Variants in PTPRD observed in about 807,000 individuals in gnomAD.
PTPRD encodes receptor-type tyrosine-protein phosphatase delta.
PTPRD carries 34 observed loss-of-function variants against 214.5 expected under a neutral mutation model. That is an observed-to-expected ratio of 0.16 (90% confidence interval 0.12 to 0.21). The LOEUF is 0.21. Ranked by LOEUF, PTPRD falls within the 10% of genes least tolerant of loss-of-function variation. The pLI, the probability that PTPRD is intolerant of heterozygous loss-of-function variation, is 1.00. For synonymous variants in PTPRD, 1,128 were observed against 845.7 expected (o/e 1.33, Z -5.79); for missense variants, 2,545 against 2,398.7 (o/e 1.06, Z -1.27).
chr9:8,320,652 C>T (rs1259795973), intron 44 of PTPRD, among the ~76,000 whole-genome samples: 1 of 151,740 alleles, frequency 6.6e-6, no homozygotes, highest in Non-Finnish European at 1.5e-5. Flanking sequence ...GGTCTCTAAT[C>T]TTAAAAAAAA....
intron 3 of PTPRD, among the ~76,000 whole-genome samples, chr9:10,078,607 A>T (rs538656144): frequency 1.6e-4 from 24 of 150,534 alleles, no homozygotes; most frequent in African/African-American, 5.6e-4. Flanking sequence ...TATCCCAATC[A>T]GGGGGTGTTT....
chr9:8,578,378 T>A (rs996148044), intron 14 of PTPRD, among the ~76,000 whole-genome samples: 1 of 150,360 alleles, frequency 6.7e-6, no homozygotes, highest in Admixed American at 6.7e-5. Flanking sequence ...ATATATAGTC[T>A]ATTTATTAAA....
At chr9:9,446,707 T>C (rs1019427446) in intron 8 of PTPRD, among the ~76,000 whole-genome samples, 2 of 152,116 alleles carry the variant, frequency 1.3e-5, no homozygotes, top group African/African-American at 4.8e-5. Context: ...GCAAAAGGAA[T>C]GGTCAATCTA....
At chr9:8,325,161 A>C (rs1832393488) in intron 44 of PTPRD, among the ~76,000 whole-genome samples, 1 of 149,504 alleles carries the variant, frequency 6.7e-6, no homozygotes, top group Admixed American at 6.7e-5. Flanking sequence ...TTTAGTCCTG[A>C]AGTCTTTGTG....
chr9:9,573,252 A>G (rs1201004889), intron 8 of PTPRD, among the ~76,000 whole-genome samples: 2 of 151,570 alleles, frequency 1.3e-5, no homozygotes, highest in Non-Finnish European at 3.0e-5. Context: ...GTATGATTTC[A>G]TTTATAGAAT....
At chr9:8,585,944 T>G (rs1332717350) in intron 14 of PTPRD, among the ~76,000 whole-genome samples, 2 of 152,190 alleles carry the variant, frequency 1.3e-5, no homozygotes, top group Non-Finnish European at 2.9e-5. Context: ...AAGATTAAAA[T>G]TTTATTATAA....
At chr9:10,496,403 A>C (rs1265221025) in intron 2 of PTPRD, among the ~76,000 whole-genome samples, 1 of 149,936 alleles carries the variant, frequency 6.7e-6, no homozygotes, top group Non-Finnish European at 1.5e-5. Context: ...AAATTTATTA[A>C]ATCATTTATT....
intron 8 of PTPRD, among the ~76,000 whole-genome samples, chr9:9,477,767 T>A (rs2095170350): frequency 6.6e-6 from 1 of 152,198 alleles, no homozygotes. Context: ...GATAATGAGA[T>A]CTATGCAAAG....
intron 7 of PTPRD, among the ~76,000 whole-genome samples, chr9:9,653,499 A>T (rs370748268): frequency 6.6e-6 from 1 of 152,068 alleles, no homozygotes; most frequent in African/African-American, 2.4e-5. Flanking sequence ...AAAAAACTGC[A>T]CCTAAACTTG....
At chr9:8,541,002 G>C (rs1029173046) in intron 14 of PTPRD, among the ~76,000 whole-genome samples, 4 of 152,092 alleles carry the variant, frequency 2.6e-5, no homozygotes, top group Non-Finnish European at 5.9e-5. Flanking sequence ...TGTCTTGAAA[G>C]ATGAAAAGAT....
chr9:8,415,866 G>A (rs961062763), intron 35 of PTPRD, among the ~76,000 whole-genome samples: 1 of 151,788 alleles, frequency 6.6e-6, no homozygotes, highest in Non-Finnish European at 1.5e-5. Flanking sequence ...GAGGTTTCCA[G>A]AAAACAGATC....
intron 7 of PTPRD, among the ~76,000 whole-genome samples, chr9:9,593,048 G>A (rs1394639406): frequency 7.0e-6 from 1 of 142,210 alleles, no homozygotes; most frequent in Non-Finnish European, 1.5e-5. Context: ...CTGTCAAAAA[G>A]AGAAAGAGAA....
At chr9:8,557,483 C>T (rs62534059) in intron 14 of PTPRD, among the ~76,000 whole-genome samples, 7,743 of 142,714 alleles carry the variant, frequency 0.054, 311 homozygotes, top group Non-Finnish European at 0.083. Flanking sequence ...TGGCTCATCC[C>T]CGTAATCCCA....
chr9:10,046,695 A>G (rs2097403554), intron 3 of PTPRD, among the ~76,000 whole-genome samples: 4 of 151,970 alleles, frequency 2.6e-5, no homozygotes, highest in African/African-American at 9.7e-5. Context: ...ACTTGAAATG[A>G]TAAGATGGAT....
chr9:8,414,739 C>G (rs2093775123), intron 35 of PTPRD, among the ~76,000 whole-genome samples: 2 of 151,870 alleles, frequency 1.3e-5, no homozygotes, highest in Admixed American at 1.3e-4. Flanking sequence ...ATTACATGGC[C>G]ACCCCAAGGT....
intron 11 of PTPRD, among the ~76,000 whole-genome samples, chr9:8,769,433 C>T (rs543206703): frequency 3.9e-5 from 6 of 152,292 alleles, no homozygotes; most frequent in Admixed American, 3.9e-4. Flanking sequence ...ATAGCATCAT[C>T]AATCAATATT....
At position 8,934,626 on chromosome 9, in the gene PTPRD, A is replaced by G. The variant is rs146264464; in HGVS notation, c.-104+84071T>C. Among the ~76,000 whole-genome samples, 416 of 145,326 alleles carry G rather than the reference A, an allele frequency of 2.9e-3. 4 individuals are homozygous for G. The highest frequency in any genetic ancestry group is 0.01 in the African/African-American group (394 of 39,244). On this transcript the variant is annotated intron_variant, in intron 11 of 45. Transcript: ENST00000381196. ...CCATTACCTCACATAGTTTGTGGTG[A>G]GAATGTTTAAGATCTACTCTCTTAT...
intron 37 of PTPRD, among the ~76,000 whole-genome samples, chr9:8,384,415 A>G (rs964895969): frequency 1.3e-5 from 2 of 152,228 alleles, no homozygotes; most frequent in African/African-American, 2.4e-5. Flanking sequence ...GGGAAAAAAA[A>G]CCACTAACAG....
chr9:8,878,508 CTTCT>C (rs1587184934), intron 11 of PTPRD, among the ~76,000 whole-genome samples: 3 of 151,842 alleles, frequency 2.0e-5, no homozygotes, highest in African/African-American at 4.8e-5. Flanking sequence ...TGCTCTGATT[CTTCT>C]TTCTTTCTTT....
Sources: gnomAD v4.1 joint callset for allele counts (sites outside exome capture counted in the v4.1 genomes callset) on GRCh38, gnomAD v4.1.1 for gene constraint, MANE v1.5 for transcripts, NCBI Gene and HGNC (gene_info 2026-07-23, HGNC 2026-07-21) for gene names.